Variants in ARHGAP44 observed in about 807,000 individuals in gnomAD.
ARHGAP44 encodes rho GTPase-activating protein 44.
ARHGAP44 carries 43 observed loss-of-function variants against 106.8 expected under a neutral mutation model. That is an observed-to-expected ratio of 0.40 (90% CI 0.32 to 0.52). The LOEUF (loss-of-function observed/expected upper bound fraction) is 0.52, where lower values mean the gene tolerates loss of function less well. ARHGAP44 is among the 20% of genes least tolerant of loss of function. ARHGAP44 has a pLI of 0.48. For synonymous variants in ARHGAP44, 439 were observed against 410.3 expected, an observed-to-expected ratio of 1.07 and a Z score of -0.85; for missense variants, 866 against 1,050.5, an observed-to-expected ratio of 0.82 and a Z score of 2.43.
At chr17:12,831,573 T>C (rs1388128695) in intron 1 of ARHGAP44, among the ~76,000 whole-genome samples, 2 of 151,002 alleles carry the variant, frequency 1.3e-5, no homozygotes, top group African/African-American at 2.4e-5. Flanking sequence ...TTAGACCAAC[T>C]GTGTCTGTTT....
At chr17:12,828,636 C>CTTTTTTTTTTTTTTTTTTT (rs34860101) in intron 1 of ARHGAP44, among the ~76,000 whole-genome samples, 1 of 93,268 alleles carries the variant, frequency 1.1e-5, no homozygotes. Flanking sequence ...TTTTTTCTTT[C>CTTTTTTTTTTTTTTTTTTT]TTTTTTTTTT....
intron 3 of ARHGAP44, among the ~76,000 whole-genome samples, chr17:12,902,445 A>G (rs779177727): frequency 6.6e-6 from 1 of 152,152 alleles, no homozygotes; most frequent in African/African-American, 2.4e-5. Context: ...TTTTCTTCAT[A>G]GCACATATTA....
chr17:12,974,142 C>T lies in ARHGAP44; in HGVS notation c.1595C>T (p.Ala532Val). 6.4e-7 allele frequency: 1 copy of T among 1,564,604 alleles called. No individual in the cohort carries two copies. The highest frequency in any genetic ancestry group is 8.7e-7 in the Non-Finnish European group (1 of 1,155,058). The change falls in exon 18 of 21, where the codon GCC (alanine) becomes GTC (valine). Residue 532 changes from alanine to valine, a missense_variant. Physicochemically the swap from Ala to Val is moderately conservative, Grantham distance 64. Coordinates refer to ENST00000379672, the MANE Select transcript of ARHGAP44 (RefSeq NM_014859.6). ...TGGGTGGCTCGAAGAGGCTCCTCGG[C>T]CGGTCGGAAAGTGTCCTGCGCCCCG... is the stretch of plus-strand genomic sequence containing the variant. ...TNWVARRGSS[A>V]GRKVSCAPPS...
intron 1 of ARHGAP44, among the ~76,000 whole-genome samples, chr17:12,863,067 C>T (rs1597961243): frequency 6.6e-6 from 1 of 151,734 alleles, no homozygotes; most frequent in Non-Finnish European, 1.5e-5. Context: ...GCAGGAGGGT[C>T]GCTTGGGCCC....
chr17:12,798,050 C>G (rs954030294), intron 1 of ARHGAP44, among the ~76,000 whole-genome samples: 6 of 152,116 alleles, frequency 3.9e-5, no homozygotes, highest in Middle Eastern at 3.2e-3. Flanking sequence ...ATTATCTTAA[C>G]AGCCGCCTTC....
intron 1 of ARHGAP44, among the ~76,000 whole-genome samples, chr17:12,883,825 A>G (rs576165136): frequency 9.2e-5 from 14 of 152,156 alleles, no homozygotes; most frequent in Non-Finnish European, 1.8e-4. Flanking sequence ...TTGCTATCTT[A>G]TCCTTTTCAA....
chr17:12,919,218 A>G (rs765329506), intron 5 of ARHGAP44, among the ~76,000 whole-genome samples: 3 of 152,114 alleles, frequency 2.0e-5, no homozygotes, highest in Admixed American at 6.5e-5. Context: ...TGATTTCACA[A>G]TGTGTGCATA....
chr17:12,864,761 T>C (rs749025912), intron 1 of ARHGAP44, among the ~76,000 whole-genome samples: 1 of 152,126 alleles, frequency 6.6e-6, no homozygotes, highest in Non-Finnish European at 1.5e-5. Flanking sequence ...ATAAGAAAGA[T>C]AATTAGCATG....
At chr17:12,800,264 T>C (rs1333228537) in intron 1 of ARHGAP44, among the ~76,000 whole-genome samples, 2 of 152,226 alleles carry the variant, frequency 1.3e-5, no homozygotes, top group African/African-American at 4.8e-5. Flanking sequence ...TTTTTCTGTA[T>C]TTAGCCAAGA....
At chr17:12,863,025 T>C (rs1179625366) in intron 1 of ARHGAP44, among the ~76,000 whole-genome samples, 1 of 149,094 alleles carries the variant, frequency 6.7e-6, no homozygotes, top group East Asian at 2.0e-4. Flanking sequence ...CAATGTCTCA[T>C]GGCTATAATC....
intron 20 of ARHGAP44, chr17:12,986,204 T>C (rs901233939): frequency 1.3e-5 from 2 of 152,180 alleles, no homozygotes; most frequent in Admixed American, 6.5e-5. Context: ...CCGAGGCTTA[T>C]TAAAAATTAG....
chr17:12,944,222 GC>G, intron 10 of ARHGAP44, 26 bp downstream of exon 10: 2 of 1,568,026 alleles, frequency 1.3e-6, no homozygotes. Context: ...GCCACACGCC[GC>G]CCCGGGCAGG....
At chr17:12,955,774 A>G (rs1160027357) in intron 13 of ARHGAP44, 93 bp from the exon 14 acceptor site, 1 of 711,522 alleles carries the variant, frequency 1.4e-6, no homozygotes, top group Non-Finnish European at 2.5e-6. Flanking sequence ...AGTCAGTGAG[A>G]TATGTGACAT....
intron 7 of ARHGAP44, among the ~76,000 whole-genome samples, chr17:12,937,917 A>G (rs1295051004): frequency 1.3e-5 from 2 of 152,104 alleles, no homozygotes; most frequent in East Asian, 3.9e-4. Context: ...CCTGACCAAT[A>G]TGGTGAAACC....
At chr17:12,946,533 T>C (rs2038855815) in intron 10 of ARHGAP44, among the ~76,000 whole-genome samples, 3 of 150,178 alleles carry the variant, frequency 2.0e-5, no homozygotes, top group Admixed American at 2.0e-4. Flanking sequence ...GCTTGGTGGC[T>C]CACACCTCTA....
intron 5 of ARHGAP44, among the ~76,000 whole-genome samples, chr17:12,916,380 T>C (rs932087196): frequency 2.6e-5 from 4 of 151,890 alleles, no homozygotes; most frequent in African/African-American, 9.7e-5. Context: ...CCAGGCCTCC[T>C]GCAGTTTTAT....
chr17:12,796,340 T>A (rs960888104), intron 1 of ARHGAP44, among the ~76,000 whole-genome samples: 2 of 152,236 alleles, frequency 1.3e-5, no homozygotes, highest in Non-Finnish European at 2.9e-5. Flanking sequence ...TGCTACTCAC[T>A]TAGCAAATAT....
At position 12,789,822 on chromosome 17, in the gene ARHGAP44, G is replaced by A. The variant is rs373785934; in HGVS notation, c.-17G>A. On this transcript the variant is annotated 5_prime_UTR_variant, in exon 1 of 21. Coordinates refer to ENST00000379672, the MANE Select transcript of ARHGAP44 (RefSeq NM_014859.6). ...GTCCTTCCCCAGCTCCCGGGCTAGCGCGGCAGCGGGGCCACGATGAAGAAG... is the reference window on the plus strand; with the variant it reads ...GTCCTTCCCCAGCTCCCGGGCTAGCACGGCAGCGGGGCCACGATGAAGAAG... 24 of 1,502,216 alleles carry A rather than the reference G, an allele frequency of 1.6e-5. No homozygotes were observed. Among genetic ancestry groups the A allele is most frequent in the Non-Finnish European group, 2.0e-5 (23 of 1,127,160 alleles). The allele number at this position is 1,502,216 out of a possible 1,614,324, so 93.1% of individuals were successfully genotyped here. A position where few individuals can be genotyped will look rare whatever the true frequency, so the allele number is the denominator to read the frequency against.
intron 19 of ARHGAP44, among the ~76,000 whole-genome samples, chr17:12,982,309 CTTTTTTTTTAATTTT>C (rs2039853496): frequency 8.6e-6 from 1 of 116,486 alleles, no homozygotes; most frequent in Non-Finnish European, 1.8e-5. Flanking sequence ...CTTAGCAGGT[CTTTTTTTTTAATTTT>C]TTTTTTTTTG....
Sources: allele counts gnomAD v4.1 joint callset (sites outside exome capture counted in the v4.1 genomes callset), GRCh38; gene constraint gnomAD v4.1.1; transcripts MANE v1.5; gene names NCBI Gene and HGNC (gene_info 2026-07-23, HGNC 2026-07-21).